The following GASK1A variants were observed in gnomAD, a reference collection of about 807,000 sequenced individuals.
The protein encoded by GASK1A is Golgi-associated kinase 1A.
A neutral mutation model predicts 41.2 loss-of-function variants in GASK1A; 40 were observed. That is an observed-to-expected ratio of 0.97 (90% CI 0.75 to 1.27). GASK1A has a LOEUF of 1.27. GASK1A is among the 50% of genes most tolerant of loss of function. The pLI is 0.00. For missense variants in GASK1A, 678 were observed against 745.1 expected, an observed-to-expected ratio of 0.91 and a Z score of 1.05; for synonymous variants, 316 against 307.1, an observed-to-expected ratio of 1.03 and a Z score of -0.30.
chr3:43,032,199 C>T, intron 1 of GASK1A, 68 bp from the exon 2 acceptor site: 1 of 1,260,986 alleles, frequency 7.9e-7, no homozygotes, highest in Non-Finnish European at 1.1e-6. Flanking sequence ...TTACCATCCC[C>T]ATTGTTTTGT....
chr3:43,011,737 A>G (rs1315006016), intron 1 of GASK1A, among the ~76,000 whole-genome samples: 1 of 151,832 alleles, frequency 6.6e-6, no homozygotes, highest in Non-Finnish European at 1.5e-5. Flanking sequence ...GTGACATCAC[A>G]GGAAGGAACT....
chr3:43,048,992 G>T (rs2125691683), intron 2 of GASK1A, among the ~76,000 whole-genome samples: 1 of 152,262 alleles, frequency 6.6e-6, no homozygotes, highest in Admixed American at 6.5e-5. Context: ...AAGACATTAA[G>T]GGCTTCAAGG....
At chr3:43,042,174 T>C (rs2089641128) in intron 2 of GASK1A, among the ~76,000 whole-genome samples, 1 of 152,026 alleles carries the variant, frequency 6.6e-6, no homozygotes, top group African/African-American at 2.4e-5. Context: ...TTCCTACTTA[T>C]TGAGAGTGTT....
In GASK1A at chr3:43,056,334, T is replaced by C. The variant is rs1559409259; in HGVS notation, c.1676T>C (p.Leu559Pro). Residue 559 changes from leucine to proline, a missense_variant, in exon 5 of 5, where the codon CTG becomes CCG. Leu to Pro is a moderately conservative substitution (Grantham distance 98). Transcript: ENST00000430121. ...CTGGAGCAGCGAGGACAGGTGCTGCTGGGACACATCCAAAAGCACAACCTC... is the reference window on the plus strand; with the variant it reads ...CTGGAGCAGCGAGGACAGGTGCTGCCGGGACACATCCAAAAGCACAACCTC... ...QTLEQRGQVLLGHIQKHNLTL... is the reference protein window; with the variant it reads ...QTLEQRGQVLPGHIQKHNLTL... 2 of 1,551,384 alleles carry C rather than the reference T, an allele frequency of 1.3e-6. No homozygotes were observed. Among genetic ancestry groups the C allele is most frequent in the African/African-American group, 1.4e-5 (1 of 73,172 alleles).
chr3:43,052,799 T>A (rs1308011624), intron 2 of GASK1A, among the ~76,000 whole-genome samples: 3 of 152,212 alleles, frequency 2.0e-5, no homozygotes, highest in Non-Finnish European at 4.4e-5. Flanking sequence ...GCAGATACTA[T>A]CCTCATGTAG....
intron 1 of GASK1A, among the ~76,000 whole-genome samples, chr3:43,029,105 T>C (rs372774254): frequency 3.9e-5 from 6 of 152,026 alleles, no homozygotes; most frequent in African/African-American, 1.4e-4. Context: ...GGAGGGAAGG[T>C]GAGCTTAAGT....
chr3:43,056,147 G>C (rs1375826446), intron 4 of GASK1A, 29 bp from the exon 5 acceptor site: 1 of 1,509,648 alleles, frequency 6.6e-7, no homozygotes, highest in Non-Finnish European at 9.0e-7. Context: ...TTTTCTTTCT[G>C]TTACGGGGCT....
chr3:43,017,221 G>T (rs541124488), intron 1 of GASK1A, among the ~76,000 whole-genome samples: 1 of 151,812 alleles, frequency 6.6e-6, no homozygotes, highest in South Asian at 2.1e-4. Context: ...CACAGGGAGG[G>T]ATAGTGTGAA....
chr3:43,036,408 G>A (rs1010787037), intron 2 of GASK1A, among the ~76,000 whole-genome samples: 1 of 152,182 alleles, frequency 6.6e-6, no homozygotes, highest in African/African-American at 2.4e-5. Context: ...CTCTTGAGTA[G>A]GTCTGCTTGC....
chr3:42,999,644 A>T (rs143924834), intron 1 of GASK1A, among the ~76,000 whole-genome samples: 1 of 152,228 alleles, frequency 6.6e-6, no homozygotes, highest in Non-Finnish European at 1.5e-5. Flanking sequence ...TGCAGCAGCC[A>T]GTATAGGGGT....
chr3:43,000,329 A>G (rs1214181073), intron 1 of GASK1A, among the ~76,000 whole-genome samples: 1 of 152,232 alleles, frequency 6.6e-6, no homozygotes, highest in Admixed American at 6.5e-5. Context: ...TACCACTTCC[A>G]GAGTTAGGGT....
Position 43,000,776 on chromosome 3 carries a change from A to G in GASK1A, c.3+21131A>G, listed in dbSNP as rs574847369. Among the ~76,000 whole-genome samples the G allele has an allele frequency of 2.4e-4, 36 of 152,324 alleles. No individual in the cohort carries two copies. In the South Asian group the frequency reaches 7.3e-3, roughly 31 times the overall value. ...CAAGAAATTAACTGTACAGTCATTC[A>G]ACACACGGATGAGGTGATGGACCAT... On this transcript the variant is annotated intron_variant, in intron 1 of 4. Transcript: ENST00000430121.
intron 1 of GASK1A, among the ~76,000 whole-genome samples, chr3:43,027,561 A>C (rs1424899731): frequency 2.0e-5 from 3 of 152,190 alleles, no homozygotes; most frequent in African/African-American, 4.8e-5. Context: ...ATGGTAGAGG[A>C]AAGGGAGGGC....
At chr3:43,018,101 C>T (rs1401949612) in intron 1 of GASK1A, among the ~76,000 whole-genome samples, 1 of 152,184 alleles carries the variant, frequency 6.6e-6, no homozygotes, top group East Asian at 1.9e-4. Context: ...TTGAATGAGA[C>T]AGCAAAAATC....
rs943906722 is a variant in GASK1A at position 42,984,402 on chromosome 3, G to T, written c.3+4757G>T. 6.6e-6 allele frequency among the ~76,000 whole-genome samples: 1 copy of T among 151,728 alleles called. No homozygotes were observed. The highest frequency in any genetic ancestry group is 1.5e-5 in the Non-Finnish European group (1 of 67,960). ...CATGTGCACGCACACACACACTCAC[G>T]CATGCACACATACTCTTGGGAGTGG... On this transcript the variant is annotated intron_variant, in intron 1 of 4. Coordinates refer to ENST00000430121, the MANE Select transcript of GASK1A (RefSeq NM_001129908.3). This position sits in a 1 kb window ranked among gnomAD's most constrained non-coding sequence, Gnocchi z 4.2.
At chr3:43,044,442 C>G (rs2089652388) in intron 2 of GASK1A, among the ~76,000 whole-genome samples, 1 of 152,176 alleles carries the variant, frequency 6.6e-6, no homozygotes, top group Admixed American at 6.5e-5. Flanking sequence ...CCCTCCAGGG[C>G]CAGAGACTTC....
In GASK1A at chr3:43,056,849, T is replaced by A. The variant is rs1289371133; in HGVS notation, c.*463T>A. The A allele has an allele frequency of 6.6e-6, 1 of 152,596 alleles. No homozygotes were observed. The highest frequency in any genetic ancestry group is 1.5e-5 in the Non-Finnish European group (1 of 68,316). 9.5% of individuals were successfully genotyped at this position (152,596 alleles called of 1,614,324 possible). A position where few individuals can be genotyped will look rare whatever the true frequency, so the allele number is the denominator to read the frequency against. On this transcript the variant is annotated 3_prime_UTR_variant, in exon 5 of 5. Transcript: ENST00000430121. Reference sequence around the variant, plus strand: ...AGACTCAGGCTTAAGAAATGAAACATAATGCGTTTGTCTTTATAGACTTTA... The same window carrying A: ...AGACTCAGGCTTAAGAAATGAAACAAAATGCGTTTGTCTTTATAGACTTTA...
chr3:43,041,050 G>A (rs1575449981), intron 2 of GASK1A, among the ~76,000 whole-genome samples: 1 of 150,240 alleles, frequency 6.7e-6, no homozygotes, highest in Non-Finnish European at 1.5e-5. Context: ...CAAAGGACAT[G>A]AACTCATCAT....
intron 2 of GASK1A, chr3:43,037,468 G>C: frequency 1.5e-6 from 1 of 659,484 alleles, no homozygotes; most frequent in South Asian, 2.2e-5. Flanking sequence ...TTTTTATAGA[G>C]AGTGAAGGAT....
Sources: allele counts gnomAD v4.1 joint callset (sites outside exome capture counted in the v4.1 genomes callset), GRCh38; gene constraint gnomAD v4.1.1; non-coding constraint Gnocchi (gnomAD v3.1); transcripts MANE v1.5; gene names NCBI Gene and HGNC (gene_info 2026-07-23, HGNC 2026-07-21).